The following IMMP2L variants were observed in gnomAD, a reference collection of about 807,000 sequenced individuals.
IMMP2L encodes the protein mitochondrial inner membrane protease subunit 2.
In IMMP2L, 18 loss-of-function variants were observed where a neutral mutation model predicts 19.3. That is an observed-to-expected ratio of 0.93 (90% CI 0.64 to 1.38). The LOEUF (loss-of-function observed/expected upper bound fraction) is 1.38. IMMP2L is among the 40% of genes most tolerant of loss of function. IMMP2L has a pLI of 0.00. For missense variants in IMMP2L, 233 were observed against 218.2 expected (o/e 1.07, Z -0.43); for synonymous variants, 76 against 73.0 (o/e 1.04, Z -0.21).
At chr7:110,786,363 TGA>T (rs1800077892) in intron 5 of IMMP2L, among the ~76,000 whole-genome samples, 1 of 151,936 alleles carries the variant, frequency 6.6e-6, no homozygotes, top group African/African-American at 2.4e-5. Flanking sequence ...TGAGAACAGA[TGA>T]GAGTTCAAAT....
At chr7:111,114,401 T>C (rs998150596) in intron 3 of IMMP2L, among the ~76,000 whole-genome samples, 8 of 151,922 alleles carry the variant, frequency 5.3e-5, no homozygotes, top group African/African-American at 1.9e-4. Flanking sequence ...TCTGAGTAAA[T>C]CCTATCGGTA....
At chr7:111,375,599 C>T (rs1018885693) in intron 3 of IMMP2L, among the ~76,000 whole-genome samples, 3 of 151,962 alleles carry the variant, frequency 2.0e-5, no homozygotes, top group Non-Finnish European at 4.4e-5. Flanking sequence ...CAACTCAGCT[C>T]ACTGCAACCT....
rs1014179683 is a variant in IMMP2L at position 111,499,692 on chromosome 7, A to G, written c.136-12351T>C. 2.0e-5 allele frequency among the ~76,000 whole-genome samples: 3 copies of G among 152,202 alleles called. No homozygotes were observed. In the East Asian group the frequency reaches 5.8e-4, roughly 29 times the overall value. ...GCAGCATGTGTTGTCAAGGCCTCCCATCTCATGGAGAGAAATGTCCTTTAA... is the reference window on the plus strand; with the variant it reads ...GCAGCATGTGTTGTCAAGGCCTCCCGTCTCATGGAGAGAAATGTCCTTTAA... On this transcript the variant is annotated intron_variant, in intron 2 of 5. Transcript: ENST00000405709.
At chr7:111,040,030 T>C (rs1791738378) in intron 3 of IMMP2L, among the ~76,000 whole-genome samples, 1 of 152,158 alleles carries the variant, frequency 6.6e-6, no homozygotes, top group African/African-American at 2.4e-5. Flanking sequence ...CTGGGCGTGG[T>C]GGCACATGCC....
intron 4 of IMMP2L, among the ~76,000 whole-genome samples, chr7:110,909,191 G>C (rs1585225323): frequency 6.6e-6 from 1 of 152,270 alleles, no homozygotes; most frequent in South Asian, 2.1e-4. Flanking sequence ...TAGGAACACA[G>C]TATGAAATGA....
chr7:110,780,006 C>T (rs1483088118), intron 5 of IMMP2L, among the ~76,000 whole-genome samples: 2 of 151,778 alleles, frequency 1.3e-5, no homozygotes, highest in South Asian at 2.1e-4. Flanking sequence ...CGGGTACTGT[C>T]ACGAACATAT....
intron 5 of IMMP2L, among the ~76,000 whole-genome samples, chr7:110,836,670 T>C (rs909785994): frequency 2.6e-5 from 4 of 152,090 alleles, no homozygotes; most frequent in African/African-American, 7.2e-5. Context: ...TAAACACACA[T>C]GGCAAAATTC....
chr7:111,173,464 C>T (rs1179764867), intron 3 of IMMP2L, among the ~76,000 whole-genome samples: 2 of 151,508 alleles, frequency 1.3e-5, no homozygotes, highest in East Asian at 1.9e-4. Flanking sequence ...ATGCTGAGAA[C>T]GTTAAGTTAG....
intron 3 of IMMP2L, among the ~76,000 whole-genome samples, chr7:111,019,442 A>G (rs1826054781): frequency 6.6e-6 from 1 of 152,128 alleles, no homozygotes; most frequent in African/African-American, 2.4e-5. Context: ...GTTGAGAGTC[A>G]CAACCCCACC....
chr7:110,917,847 T>C (rs911239154), intron 4 of IMMP2L, among the ~76,000 whole-genome samples: 1 of 152,232 alleles, frequency 6.6e-6, no homozygotes, highest in African/African-American at 2.4e-5. Flanking sequence ...AATAAGAAAT[T>C]AATGAAAATA....
Position 111,123,169 on chromosome 7 carries a change from G to A in IMMP2L, c.240-159604C>T. ...GGAAAACAAACTTACTGAACTGCCT[G>A]AAAAATGTCTGTCCGAACTGAGCAA... On this transcript the variant is annotated intron_variant, in intron 3 of 5. Coordinates refer to ENST00000405709, the MANE Select transcript of IMMP2L (RefSeq NM_032549.4). The surrounding 1 kb of genome is among the most constrained non-coding windows in gnomAD (Gnocchi z 6.4). 1 of 1,613,950 alleles carries A rather than the reference G, an allele frequency of 6.2e-7. No individual in the cohort carries two copies. Among genetic ancestry groups the A allele is most frequent in the Non-Finnish European group, 8.5e-7 (1 of 1,179,962 alleles).
At chr7:110,988,174 C>T (rs1440118143) in intron 3 of IMMP2L, among the ~76,000 whole-genome samples, 1 of 152,122 alleles carries the variant, frequency 6.6e-6, no homozygotes, top group African/African-American at 2.4e-5. Context: ...AGCTCAAATC[C>T]AATCAAAGTT....
intron 3 of IMMP2L, among the ~76,000 whole-genome samples, chr7:111,295,585 AAAG>A (rs1398294703): frequency 6.6e-6 from 1 of 151,922 alleles, no homozygotes; most frequent in African/African-American, 2.4e-5. Context: ...AGCCAGTGAA[AAAG>A]AAGGAGAAAT....
At chr7:111,058,299 A>G (rs976482312) in intron 3 of IMMP2L, among the ~76,000 whole-genome samples, 1 of 152,310 alleles carries the variant, frequency 6.6e-6, no homozygotes. Context: ...AAAAATGTAC[A>G]CCAAGACTGT....
intron 3 of IMMP2L, among the ~76,000 whole-genome samples, chr7:111,352,244 A>G (rs1333917611): frequency 1.3e-5 from 2 of 152,080 alleles, no homozygotes; most frequent in African/African-American, 4.8e-5. Flanking sequence ...TAAACATAGT[A>G]CAAAGATGAC....
At chr7:111,541,566 T>C (rs965325313) in intron 1 of IMMP2L, among the ~76,000 whole-genome samples, 2 of 152,208 alleles carry the variant, frequency 1.3e-5, no homozygotes, top group East Asian at 1.9e-4. Flanking sequence ...GCCTTGAGAA[T>C]AATCTGATCT....
chr7:110,947,378 AT>A (rs1487554650), intron 4 of IMMP2L, among the ~76,000 whole-genome samples: 1 of 152,200 alleles, frequency 6.6e-6, no homozygotes, highest in Non-Finnish European at 1.5e-5. Flanking sequence ...GCTAGGAGTC[AT>A]TTCAATTACC....
intron 3 of IMMP2L, among the ~76,000 whole-genome samples, chr7:111,350,865 C>A (rs2130883031): frequency 6.6e-6 from 1 of 152,126 alleles, no homozygotes; most frequent in South Asian, 2.1e-4. Context: ...TCCACTTAGA[C>A]CAAAACCGTG....
intron 3 of IMMP2L, among the ~76,000 whole-genome samples, chr7:111,362,994 C>T (rs1829406731): frequency 6.6e-6 from 1 of 152,076 alleles, no homozygotes; most frequent in South Asian, 2.1e-4. Flanking sequence ...TATGTGCAAC[C>T]TTGGCAAACA....
Sources: gnomAD v4.1 joint callset for allele counts (sites outside exome capture counted in the v4.1 genomes callset) on GRCh38, gnomAD v4.1.1 for gene constraint, Gnocchi (gnomAD v3.1) non-coding constraint, MANE v1.5 for transcripts, NCBI Gene and HGNC (gene_info 2026-07-23, HGNC 2026-07-21) for gene names.